Variants in B4GALT1 observed in about 807,000 individuals in gnomAD.
The protein encoded by B4GALT1 is beta-1,4-galactosyltransferase 1.
B4GALT1 carries 16 observed loss-of-function variants against 34.9 expected under a neutral mutation model. That is an observed-to-expected ratio of 0.46 (90% confidence interval 0.31 to 0.70). The LOEUF (loss-of-function observed/expected upper bound fraction) is 0.70. Ranked by LOEUF, B4GALT1 falls within the 30% of genes least tolerant of loss-of-function variation. B4GALT1 has a pLI of 0.05. For missense variants in B4GALT1, 445 were observed against 530.5 expected (o/e 0.84, Z 1.58); for synonymous variants, 221 against 218.1 (o/e 1.01, Z -0.12).
At chr9:33,129,370 T>G (rs922595601) in intron 2 of B4GALT1, among the ~76,000 whole-genome samples, 3 of 152,212 alleles carry the variant, frequency 2.0e-5, no homozygotes, top group African/African-American at 4.8e-5. Flanking sequence ...CTGGTCAGCA[T>G]TGAGCTGGAA....
At position 33,111,055 on chromosome 9, in the gene B4GALT1, AG is replaced by A. The variant is rs886063861; in HGVS notation, c.*2398del. The A allele has an allele frequency of 6.6e-6, 1 of 151,764 alleles. No homozygotes were observed. Among genetic ancestry groups the A allele is most frequent in the Non-Finnish European group, 1.5e-5 (1 of 67,798 alleles). The allele number at this position is 151,764 out of a possible 1,614,324, so 9.4% of individuals were successfully genotyped here. The stretch of plus-strand genomic sequence containing the variant: ...AAAAGGAAATGCTCCCTGAACCCCC[AG>A]CCCTGAAATCCCCAGTAAGGAAACA... On this transcript the variant is annotated 3_prime_UTR_variant, in exon 6 of 6. Coordinates refer to ENST00000379731, the MANE Select transcript of B4GALT1 (RefSeq NM_001497.4).
chr9:33,166,276 G>A (rs1481708275), intron 1 of B4GALT1, among the ~76,000 whole-genome samples: 1 of 151,996 alleles, frequency 6.6e-6, no homozygotes, highest in African/African-American at 2.4e-5. Flanking sequence ...AAACGATCAG[G>A]AGAAAAACCC....
intron 2 of B4GALT1, among the ~76,000 whole-genome samples, chr9:33,128,068 C>T (rs1840139015): frequency 6.6e-6 from 1 of 152,120 alleles, no homozygotes; most frequent in Non-Finnish European, 1.5e-5. Context: ...GTGGCAGCAG[C>T]AGTGGCAGCG....
chr9:33,140,853 A>G (rs1315510463), intron 1 of B4GALT1, among the ~76,000 whole-genome samples: 6 of 152,266 alleles, frequency 3.9e-5, no homozygotes, highest in Middle Eastern at 3.2e-3. Flanking sequence ...TGCTTGCAGC[A>G]TTCTCGTGAA....
At chr9:33,121,536 T>C (rs1234769928) in intron 2 of B4GALT1, among the ~76,000 whole-genome samples, 7 of 151,280 alleles carry the variant, frequency 4.6e-5, no homozygotes. Context: ...CTTTTTTTTT[T>C]TTTTTTTTTT....
chr9:33,156,596 G>T (rs1304185145), intron 1 of B4GALT1, among the ~76,000 whole-genome samples: 1 of 152,154 alleles, frequency 6.6e-6, no homozygotes, highest in Non-Finnish European at 1.5e-5. Context: ...CAGACTTTGG[G>T]CTATTGTAAC....
At chr9:33,136,855 A>C (rs1470817352) in intron 1 of B4GALT1, among the ~76,000 whole-genome samples, 1 of 152,216 alleles carries the variant, frequency 6.6e-6, no homozygotes, top group Non-Finnish European at 1.5e-5. Flanking sequence ...AGCAGGCTTC[A>C]GCCTGCCCTG....
At chr9:33,126,648 T>TGG (rs1564040663) in intron 2 of B4GALT1, among the ~76,000 whole-genome samples, 6 of 152,242 alleles carry the variant, frequency 3.9e-5, no homozygotes, top group South Asian at 2.1e-4. Flanking sequence ...TTGTTAACTA[T>TGG]TGTTAACCAT....
At chr9:33,174,612 G>A in the B4GALT1 span, among the ~76,000 whole-genome samples, 1 of 151,676 alleles carries the variant, frequency 6.6e-6, no homozygotes, top group Non-Finnish European at 1.5e-5. Flanking sequence ...TCGTGCCACT[G>A]CCCTCCAGCC....
rs1392655869 is a variant in B4GALT1 at position 33,166,925 on chromosome 9, G to T, written c.245C>A (p.Ala82Asp). The T allele has an allele frequency of 1.3e-6, 2 of 1,571,484 alleles. No homozygotes were observed. The highest frequency in any genetic ancestry group is 1.7e-6 in the Non-Finnish European group (2 of 1,165,820). The change falls in exon 1 of 6, where the codon GCC (alanine) becomes GAC (aspartate). Residue 82 changes from alanine to aspartate, a missense_variant. By Grantham distance (126) the Ala-to-Asp change is moderately radical. Around this residue, in one of 3 missense-constraint regions of B4GALT1, gnomAD observed 349 missense variants for 395.5 expected, o/e 0.88. Coordinates refer to ENST00000379731, the MANE Select transcript of B4GALT1 (RefSeq NM_001497.4). ...QSSGELRTGG[A>D]RPPPPLGASS... ...GGCGCCTAGAGGAGGCGGCGGCCGG[G>T]CCCCTCCGGTCCGGAGCTCCCCGGA...
At chr9:33,155,141 G>A (rs1376139080) in intron 1 of B4GALT1, among the ~76,000 whole-genome samples, 1 of 152,192 alleles carries the variant, frequency 6.6e-6, no homozygotes, top group Non-Finnish European at 1.5e-5. Flanking sequence ...AGACTCTGGA[G>A]AGCATCCCAG....
chr9:33,112,113 A>C lies in B4GALT1; in HGVS notation c.*1341T>G, dbSNP rs1376960064. On this transcript the variant is annotated 3_prime_UTR_variant, in exon 6 of 6. Transcript: ENST00000379731. The stretch of plus-strand genomic sequence containing the variant: ...GGAAGGAATGAGAAAGGCAGGGGAA[A>C]AGAGGAAGGAGGAAGAACTGGTAAC... 6.5e-6 allele frequency: 1 copy of C among 152,986 alleles called. No individual in the cohort carries two copies. Among genetic ancestry groups the C allele is most frequent in the Non-Finnish European group, 1.5e-5 (1 of 68,280 alleles). The allele number at this position is 152,986 out of a possible 1,614,324, so 9.5% of individuals were successfully genotyped here.
At chr9:33,151,888 G>C (rs1840521982) in intron 1 of B4GALT1, among the ~76,000 whole-genome samples, 1 of 152,188 alleles carries the variant, frequency 6.6e-6, no homozygotes, top group Non-Finnish European at 1.5e-5. Context: ...TCGAAGCCAA[G>C]TTGGTGGCTT....
Position 33,110,887 on chromosome 9 carries a change from C to CA in B4GALT1, c.*2566dup, listed in dbSNP as rs971941490. The CA allele has an allele frequency of 2.6e-5, 4 of 152,260 alleles. No individual in the cohort carries two copies. Among genetic ancestry groups the CA allele is most frequent in the African/African-American group, 9.7e-5 (4 of 41,446 alleles). The allele number at this position is 152,260 out of a possible 1,614,324, so 9.4% of individuals were successfully genotyped here. The stretch of plus-strand genomic sequence containing the variant: ...ACCCTGTCCAGGCTGAAGGCCAGCA[C>CA]AGCATCTCCTTTACTGTCCTGTGCC... On this transcript the variant is annotated 3_prime_UTR_variant, in exon 6 of 6. Transcript: ENST00000379731.
chr9:33,179,189 A>C, the B4GALT1 span: 1 of 152,258 alleles, frequency 6.6e-6, no homozygotes, highest in African/African-American at 2.4e-5. Context: ...AAGGGACTGG[A>C]TATAGGGAGT....
downstream of B4GALT1, among the ~76,000 whole-genome samples, chr9:33,109,317 T>C (rs1219456323): frequency 6.6e-6 from 1 of 152,200 alleles, no homozygotes; most frequent in Non-Finnish European, 1.5e-5. Flanking sequence ...GCATGGAAGC[T>C]TCTCTCCCCC....
At position 33,113,328 on chromosome 9, in the gene B4GALT1, A is replaced by C; in HGVS notation, c.*126T>G. 1 of 1,424,856 alleles carries C rather than the reference A, an allele frequency of 7.0e-7. No homozygotes were observed. The highest frequency in any genetic ancestry group is 9.9e-7 in the Non-Finnish European group (1 of 1,011,502). The allele number at this position is 1,424,856 out of a possible 1,614,324, so 88.3% of individuals were successfully genotyped here. ...CCTGGTCATCTGGAAAGCCATCTGAATGATGAGCGAAGGGGACCTGTCACT... is the reference window on the plus strand; with the variant it reads ...CCTGGTCATCTGGAAAGCCATCTGACTGATGAGCGAAGGGGACCTGTCACT... On this transcript the variant is annotated 3_prime_UTR_variant, in exon 6 of 6. Coordinates refer to ENST00000379731, the MANE Select transcript of B4GALT1 (RefSeq NM_001497.4).
rs114438904 is a variant in B4GALT1, at chr9:33,167,143, G to T, written c.27C>A (p.Ser9Arg). ...ACGCGCCTGGCATCGCGGCGCTGCC[G>T]CTCAGGAGCGGCTCCCGAAGCCTCA... is the stretch of plus-strand genomic sequence containing the variant. MRLREPLLSGSAAMPGASL... is the reference protein window; with the variant it reads MRLREPLLRGSAAMPGASL... Residue 9 changes from serine to arginine, a missense_variant, in exon 1 of 6, where the codon AGC becomes AGA. Coordinates refer to ENST00000379731, the MANE Select transcript of B4GALT1 (RefSeq NM_001497.4). The T allele has an allele frequency of 3.6e-4, 582 of 1,601,068 alleles. 3 individuals are homozygous for T. The African/African-American group carries it at 7.4e-3, about 20-fold the overall frequency.
chr9:33,172,134 G>T (rs1840848023), upstream of B4GALT1, among the ~76,000 whole-genome samples: 1 of 152,194 alleles, frequency 6.6e-6, no homozygotes, highest in African/African-American at 2.4e-5. Context: ...GAAAAGCTTT[G>T]TACTGCAGGT....
Sources: allele counts gnomAD v4.1 joint callset (sites outside exome capture counted in the v4.1 genomes callset), GRCh38; gene constraint gnomAD v4.1.1; regional missense constraint gnomAD v4.1.1; transcripts MANE v1.5; gene names NCBI Gene and HGNC (gene_info 2026-07-23, HGNC 2026-07-21).